The following HECTD2 variants were observed in gnomAD, a reference collection of about 807,000 sequenced individuals.
HECTD2 encodes the protein HECT domain E3 ubiquitin protein ligase 2, also known as probable E3 ubiquitin-protein ligase HECTD2.
Under a neutral mutation model 103.2 loss-of-function variants are expected in HECTD2, and 35 were observed. That is an observed-to-expected ratio of 0.34 (90% confidence interval 0.26 to 0.45). HECTD2 has a LOEUF of 0.45. Ranked by LOEUF, HECTD2 falls within the 20% of genes least tolerant of loss-of-function variation. HECTD2 has a pLI of 1.00. For synonymous variants in HECTD2, 281 were observed against 329.9 expected, an observed-to-expected ratio of 0.85 and a Z score of 1.61; for missense variants, 596 against 937.4, an observed-to-expected ratio of 0.64 and a Z score of 4.76.
intron 10 of HECTD2, chr10:91,485,951 T>A (rs538233173): frequency 6.6e-6 from 1 of 152,132 alleles, no homozygotes; most frequent in Non-Finnish European, 1.5e-5. Flanking sequence ...AATTAATAGA[T>A]TTGTAAAACA....
At chr10:91,467,990 C>T (rs1043919504) in intron 5 of HECTD2, among the ~76,000 whole-genome samples, 1 of 152,112 alleles carries the variant, frequency 6.6e-6, no homozygotes, top group Non-Finnish European at 1.5e-5. Flanking sequence ...GCTGCCAGCT[C>T]AAGAGCATGG....
In HECTD2 at chr10:91,496,317, A is replaced by G; in HGVS notation, c.1625A>G (p.Asn542Ser). ...LSPPIIPSDQ[N>S]IPVGICNVTV... ...CCTCCCATCATTCCTAGTGATCAAA[A>G]TATACCAGTAGGCATCTGCAATGTT... Residue 542 changes from asparagine to serine, a missense_variant, in exon 15 of 21, where the codon AAT becomes AGT. Transcript: ENST00000298068. 6.2e-7 allele frequency: 1 copy of G among 1,612,420 alleles called. No individual in the cohort carries two copies. Among genetic ancestry groups the G allele is most frequent in the South Asian group, 1.1e-5 (1 of 90,970 alleles).
chr10:91,437,544 T>TG (rs760336208), intron 2 of HECTD2, among the ~76,000 whole-genome samples: 9 of 151,468 alleles, frequency 5.9e-5, no homozygotes, highest in Non-Finnish European at 8.8e-5. Flanking sequence ...CATCCTTTGT[T>TG]GGGGGGAGTA....
chr10:91,410,662 G>C (rs1842884064), intron 1 of HECTD2, 86 bp downstream of exon 1: 2 of 1,235,920 alleles, frequency 1.6e-6, no homozygotes, highest in Non-Finnish European at 2.1e-6. Flanking sequence ...CAGGAGGCCT[G>C]CGTTTACCCT....
chr10:91,484,062 T>C, intron 8 of HECTD2: 1 of 373,298 alleles, frequency 2.7e-6, no homozygotes, highest in Non-Finnish European at 4.8e-6. Flanking sequence ...TAAAGGACAC[T>C]TGCAAAGAGA....
chr10:91,426,063 G>T (rs979000308), intron 2 of HECTD2, among the ~76,000 whole-genome samples: 1 of 151,960 alleles, frequency 6.6e-6, no homozygotes, highest in African/African-American at 2.4e-5. Context: ...ACAATACATT[G>T]TAAAATGAAA....
At chr10:91,461,777 G>A (rs1254058087) in intron 4 of HECTD2, among the ~76,000 whole-genome samples, 2 of 152,016 alleles carry the variant, frequency 1.3e-5, no homozygotes, top group African/African-American at 2.4e-5. Flanking sequence ...TCGAACTCCC[G>A]ACCTCGGGTG....
chr10:91,460,485 T>A lies in HECTD2; in HGVS notation c.327T>A (p.Asp109Glu), dbSNP rs61754654. 10,812 of 1,612,888 alleles carry A rather than the reference T, an allele frequency of 6.7e-3. 71 individuals are homozygous for A. Among genetic ancestry groups the A allele is most frequent in the South Asian group, 0.015 (1,387 of 90,894 alleles). ...GACAAAAACAGCGTACATCTATGGATGCATCATCATCCGAAATGAAGGCCC... is the reference window on the plus strand; with the variant it reads ...GACAAAAACAGCGTACATCTATGGAAGCATCATCATCCGAAATGAAGGCCC... ...DVRQKQRTSM[D>E]ASSSEMKAPV... The change falls in exon 3 of 21, where the codon GAT becomes GAA. Residue 109 changes from aspartate to glutamate, a missense_variant. Physicochemically the swap from Asp to Glu is conservative, Grantham distance 45 (BLOSUM62 2). Coordinates refer to ENST00000298068, the MANE Select transcript of HECTD2 (RefSeq NM_182765.6).
chr10:91,496,409 C>G (rs375926476), intron 15 of HECTD2, 37 bp downstream of exon 15: 2 of 1,472,928 alleles, frequency 1.4e-6, no homozygotes, highest in South Asian at 2.4e-5. Context: ...TCCTTTAATG[C>G]GAAATCATCT....
chr10:91,429,004 G>A (rs1159448300), intron 2 of HECTD2, among the ~76,000 whole-genome samples: 1 of 152,042 alleles, frequency 6.6e-6, no homozygotes, highest in African/African-American at 2.4e-5. Flanking sequence ...GTGTGATATT[G>A]GCTGTGGGTT....
intron 6 of HECTD2, among the ~76,000 whole-genome samples, chr10:91,479,361 G>A (rs1846013320): frequency 6.6e-6 from 1 of 152,078 alleles, no homozygotes; most frequent in South Asian, 2.1e-4. Flanking sequence ...TCAATAGAGT[G>A]AGACTGTCTC....
rs57105282 is a variant in HECTD2 at position 91,487,723 on chromosome 10, C to CA, written c.1144dup (p.Ile382AsnfsTer22). The CA allele has an allele frequency of 9.3e-6, 15 of 1,605,144 alleles. No individual in the cohort carries two copies. Among genetic ancestry groups the CA allele is most frequent in the African/African-American group, 1.4e-5 (1 of 73,824 alleles). On this transcript the variant is annotated frameshift_variant, in exon 11 of 21. Transcript: ENST00000298068. LOFTEE classifies it high-confidence loss of function. This position sits in a 1 kb window ranked among gnomAD's most constrained non-coding sequence, Gnocchi z 4.1. ...TACCCATTCGTTATTTCTGTAGCTG[C>CA]AAAAAAAATCATTATTCAGAGAGAC... is the stretch of plus-strand genomic sequence containing the variant.
intron 2 of HECTD2, among the ~76,000 whole-genome samples, chr10:91,446,207 C>T (rs1844609352): frequency 1.3e-5 from 2 of 150,112 alleles, no homozygotes; most frequent in African/African-American, 4.9e-5. Context: ...TGTTCTGCAG[C>T]CTCTGCTGTG....
In HECTD2 at chr10:91,444,646, C is replaced by T. The variant is rs1844517198; in HGVS notation, c.269-15781C>T. ...TCCCTGAATATCAAGGCATTGTTTC[C>T]AGAGACAGGCTTTCTGCCTGTTCTC... On this transcript the variant is annotated intron_variant, in intron 2 of 20. Coordinates refer to ENST00000298068, the MANE Select transcript of HECTD2 (RefSeq NM_182765.6). Among the ~76,000 whole-genome samples, 3 of 152,232 alleles carry T rather than the reference C, an allele frequency of 2.0e-5. No homozygotes were observed. In the East Asian group the frequency reaches 5.8e-4, roughly 29 times the overall value.
At chr10:91,410,342 C>G (rs1276204354), upstream of HECTD2, 114 of 715,202 alleles carry the variant, frequency 1.6e-4, no homozygotes, top group East Asian at 5.7e-3. Flanking sequence ...AAGCGGCAGC[C>G]CAGAGCCCTC....
chr10:91,490,890 C>CAAA (rs61035151), intron 11 of HECTD2, among the ~76,000 whole-genome samples: 464 of 13,604 alleles, frequency 0.034, 52 homozygotes, highest in Non-Finnish European at 0.049. Flanking sequence ...GACTCCGTCT[C>CAAA]AAAAAAAAAA....
At chr10:91,460,658 A>G (rs1845308852) in intron 3 of HECTD2, 93 bp downstream of exon 3, 2 of 1,321,276 alleles carry the variant, frequency 1.5e-6, no homozygotes, top group South Asian at 1.7e-5. Context: ...TAACTTTTGG[A>G]TCACTATAAG....
chr10:91,470,261 A>G (rs555365072), intron 5 of HECTD2, among the ~76,000 whole-genome samples: 1 of 152,342 alleles, frequency 6.6e-6, no homozygotes, highest in East Asian at 1.9e-4. Context: ...AACAGAATAC[A>G]CATTCTTCTG....
chr10:91,477,757 A>G (rs1011324717), intron 5 of HECTD2, among the ~76,000 whole-genome samples: 21 of 152,200 alleles, frequency 1.4e-4, no homozygotes, highest in Non-Finnish European at 2.8e-4. Flanking sequence ...AAACTAAAGT[A>G]TTATCTAAAT....
Sources: gnomAD v4.1 joint callset for allele counts (sites outside exome capture counted in the v4.1 genomes callset) on GRCh38, gnomAD v4.1.1 for gene constraint, Gnocchi (gnomAD v3.1) non-coding constraint, MANE v1.5 for transcripts, NCBI Gene and HGNC (gene_info 2026-07-23, HGNC 2026-07-21) for gene names.